GALNTL6: variants seen among roughly 807,000 people sequenced by gnomAD.
GALNTL6 encodes the protein polypeptide N-acetylgalactosaminyltransferase like 6.
A neutral mutation model predicts 73.7 loss-of-function variants in GALNTL6; 46 were observed. The ratio of observed to expected loss-of-function variants is 0.62; its 90% CI spans 0.49 to 0.80. The LOEUF (loss-of-function observed/expected upper bound fraction) is 0.80, where lower values mean the gene tolerates loss of function less well. Among genes scored for constraint, GALNTL6 ranks in the 30% least tolerant of loss-of-function variants. The pLI is 0.00. For synonymous variants in GALNTL6, 259 were observed against 263.7 expected (o/e 0.98, Z 0.17); for missense variants, 604 against 755.0 (o/e 0.80, Z 2.34).
At chr4:172,546,806 A>ATACATATATATATG (rs1554034205) in intron 5 of GALNTL6, among the ~76,000 whole-genome samples, 2 of 99,092 alleles carry the variant, frequency 2.0e-5, no homozygotes, top group East Asian at 2.7e-4. Flanking sequence ...ACGTATATAT[A>ATACATATATATATG]CGTATATATA....
intron 5 of GALNTL6, among the ~76,000 whole-genome samples, chr4:172,562,696 G>A (rs1736418066): frequency 6.6e-6 from 1 of 152,202 alleles, no homozygotes; most frequent in Non-Finnish European, 1.5e-5. Context: ...ACAATGCTCA[G>A]TGATTTGTAA....
chr4:172,434,266 TTTACTC>T (rs1320381844), intron 5 of GALNTL6, among the ~76,000 whole-genome samples: 2 of 152,106 alleles, frequency 1.3e-5, no homozygotes, highest in African/African-American at 2.4e-5. Flanking sequence ...GATATTCACT[TTTACTC>T]TTAGAAGTAT....
chr4:172,030,665 G>A (rs183320191), intron 2 of GALNTL6, among the ~76,000 whole-genome samples: 81 of 152,000 alleles, frequency 5.3e-4, no homozygotes, highest in African/African-American at 1.8e-3. Flanking sequence ...AGCCAAGATC[G>A]CACCACTGTA....
intron 2 of GALNTL6, among the ~76,000 whole-genome samples, chr4:172,035,545 C>T (rs1209214591): frequency 6.6e-6 from 1 of 152,096 alleles, no homozygotes; most frequent in African/African-American, 2.4e-5. Flanking sequence ...ATCTTTGAGA[C>T]CTCCTAAAGC....
At chr4:172,437,080 G>A (rs1731659375) in intron 5 of GALNTL6, among the ~76,000 whole-genome samples, 1 of 152,030 alleles carries the variant, frequency 6.6e-6, no homozygotes, top group African/African-American at 2.4e-5. Flanking sequence ...GAGCAGTTCA[G>A]TCCACCCAAC....
chr4:172,183,794 CTTTT>C (rs33972396), intron 2 of GALNTL6, among the ~76,000 whole-genome samples: 2 of 134,618 alleles, frequency 1.5e-5, no homozygotes, highest in Non-Finnish European at 3.1e-5. Context: ...CTGTTGAAGA[CTTTT>C]TTTTTTTTTT....
At position 172,955,181 on chromosome 4, in the gene GALNTL6, T is replaced by C. The variant is rs139262895; in HGVS notation, c.1371+2923T>C. On this transcript the variant is annotated intron_variant, in intron 10 of 12. Transcript: ENST00000506823. The stretch of plus-strand genomic sequence containing the variant: ...TCTAACTCTAGGTGGGTAATAATAT[T>C]TTTAAGAGTGGCTAGGCTGGGCACG... 4.5e-3 allele frequency among the ~76,000 whole-genome samples: 685 copies of C among 152,268 alleles called. 5 individuals are homozygous for C. Among genetic ancestry groups the C allele is most frequent in the Middle Eastern group, 0.02 (6 of 294 alleles).
At chr4:171,934,006 G>T (rs1360581270) in intron 2 of GALNTL6, among the ~76,000 whole-genome samples, 1 of 152,046 alleles carries the variant, frequency 6.6e-6, no homozygotes, top group African/African-American at 2.4e-5. Flanking sequence ...TACATTCCTG[G>T]ACTACAGGTT....
chr4:172,906,193 A>C (rs1471380559), intron 8 of GALNTL6, among the ~76,000 whole-genome samples: 1 of 152,118 alleles, frequency 6.6e-6, no homozygotes, highest in East Asian at 1.9e-4. Flanking sequence ...ATATAGATAG[A>C]TGTGGAGACA....
At chr4:171,952,523 C>T (rs965114884) in intron 2 of GALNTL6, among the ~76,000 whole-genome samples, 2 of 151,896 alleles carry the variant, frequency 1.3e-5, no homozygotes, top group Non-Finnish European at 2.9e-5. Flanking sequence ...ATTTCAATGA[C>T]TTATTATCAA....
chr4:172,527,882 T>C (rs1735016748), intron 5 of GALNTL6, among the ~76,000 whole-genome samples: 1 of 152,162 alleles, frequency 6.6e-6, no homozygotes. Flanking sequence ...GGGAATGATA[T>C]CTCTATCATT....
At chr4:172,079,979 C>T (rs1731828860) in intron 2 of GALNTL6, among the ~76,000 whole-genome samples, 1 of 152,064 alleles carries the variant, frequency 6.6e-6, no homozygotes, top group Non-Finnish European at 1.5e-5. Context: ...TTAGAAACAT[C>T]TTTGCTGTCT....
chr4:172,830,239 C>T (rs1348541613), intron 7 of GALNTL6, among the ~76,000 whole-genome samples: 4 of 152,106 alleles, frequency 2.6e-5, no homozygotes, highest in African/African-American at 7.2e-5. Context: ...CAGGGCCAAA[C>T]TTTACAGTTT....
intron 5 of GALNTL6, among the ~76,000 whole-genome samples, chr4:172,780,116 C>CT (rs750083547): frequency 0.15 from 21,305 of 144,598 alleles, 1,740 homozygotes; most frequent in Admixed American, 0.25. Flanking sequence ...TTATTCTTGG[C>CT]TTTTTTTTTT....
intron 2 of GALNTL6, among the ~76,000 whole-genome samples, chr4:171,937,884 G>T (rs369103796): frequency 6.6e-6 from 1 of 152,074 alleles, no homozygotes; most frequent in South Asian, 2.1e-4. Flanking sequence ...TGATAAAAAG[G>T]CTCAGTAATT....
intron 10 of GALNTL6, among the ~76,000 whole-genome samples, chr4:172,968,687 C>G (rs1750439320): frequency 1.3e-5 from 2 of 152,130 alleles, no homozygotes; most frequent in Admixed American, 1.3e-4. Context: ...AAAGGAAAGA[C>G]CTTTAGAACT....
rs142936517 is a variant in GALNTL6 at position 172,195,212 on chromosome 4, G to A, written c.139-34444G>A. ...AAAAAGACAAAGGCATTACATAATAGTAAATGGTTCAATTCAACAAAAAGA... is the reference window on the plus strand; with the variant it reads ...AAAAAGACAAAGGCATTACATAATAATAAATGGTTCAATTCAACAAAAAGA... On this transcript the variant is annotated intron_variant, in intron 2 of 12. Transcript: ENST00000506823. Among the ~76,000 whole-genome samples the A allele has an allele frequency of 8.6e-3, 1,302 of 152,184 alleles. 5 individuals are homozygous for A. Among genetic ancestry groups the A allele is most frequent in the Admixed American group, 0.016 (245 of 15,286 alleles).
intron 2 of GALNTL6, among the ~76,000 whole-genome samples, chr4:172,182,884 T>C (rs1266524717): frequency 6.6e-6 from 1 of 152,178 alleles, no homozygotes; most frequent in Non-Finnish European, 1.5e-5. Flanking sequence ...TTCATGCCTT[T>C]AATATTGTGT....
At chr4:172,210,335 C>T (rs962858276) in intron 2 of GALNTL6, among the ~76,000 whole-genome samples, 3 of 151,982 alleles carry the variant, frequency 2.0e-5, no homozygotes, top group Non-Finnish European at 2.9e-5. Context: ...ATTTATATAT[C>T]TTTAGTTTTT....
Sources: allele counts gnomAD v4.1 joint callset (sites outside exome capture counted in the v4.1 genomes callset), GRCh38; gene constraint gnomAD v4.1.1; transcripts MANE v1.5; gene names NCBI Gene and HGNC (gene_info 2026-07-23, HGNC 2026-07-21).